Variants in NT5C2 observed in about 807,000 individuals in gnomAD.
The protein encoded by NT5C2 is 5'-nucleotidase, cytosolic II.
In NT5C2, 58 loss-of-function variants were observed where a neutral mutation model predicts 76.1. That is an observed-to-expected ratio of 0.76 (90% confidence interval 0.62 to 0.95). The LOEUF (loss-of-function observed/expected upper bound fraction) is 0.95. NT5C2 is among the 40% of genes least tolerant of loss of function. The pLI, the probability that NT5C2 is intolerant of heterozygous loss-of-function variation, is 0.00. For synonymous variants in NT5C2, 229 were observed against 237.4 expected (o/e 0.96, Z 0.32); for missense variants, 478 against 690.3 (o/e 0.69, Z 3.45).
chr10:103,167,019 TC>T (rs2086571512), intron 3 of NT5C2, among the ~76,000 whole-genome samples: 1 of 151,534 alleles, frequency 6.6e-6, no homozygotes, highest in African/African-American at 2.4e-5. Context: ...ATATTATTTT[TC>T]TTTTTTTTTT....
chr10:103,090,015 A>G (rs774260596), intron 18 of NT5C2, 107 bp from the exon 19 acceptor site: 30 of 791,834 alleles, frequency 3.8e-5, no homozygotes, highest in Non-Finnish European at 5.5e-5. Flanking sequence ...TACATCTATA[A>G]TGGACCACAG....
At chr10:103,121,219 C>G (rs1042817500) in intron 4 of NT5C2, among the ~76,000 whole-genome samples, 2 of 152,034 alleles carry the variant, frequency 1.3e-5, no homozygotes, top group African/African-American at 4.8e-5. Context: ...CATTGTGCAA[C>G]TTTGTGAATG....
intron 3 of NT5C2, chr10:103,146,452 C>T (rs923233073): frequency 1.0e-6 from 1 of 985,108 alleles, no homozygotes; most frequent in African/African-American, 1.7e-5. Context: ...CATAATTACA[C>T]ATTGAAAATT....
chr10:103,089,952 A>T, intron 18 of NT5C2, 44 bp from the exon 19 acceptor site: 1 of 1,512,216 alleles, frequency 6.6e-7, no homozygotes, highest in Non-Finnish European at 8.9e-7. Context: ...GGCAGAGCAA[A>T]GTAGCTACTC....
At chr10:103,127,405 A>G (rs1333893311) in intron 4 of NT5C2, among the ~76,000 whole-genome samples, 1 of 152,232 alleles carries the variant, frequency 6.6e-6, no homozygotes, top group Non-Finnish European at 1.5e-5. Context: ...GGCTTCAATT[A>G]TGGGGATAAT....
intron 6 of NT5C2, among the ~76,000 whole-genome samples, chr10:103,101,800 G>C (rs999364841): frequency 2.0e-5 from 3 of 152,202 alleles, no homozygotes; most frequent in African/African-American, 7.2e-5. Context: ...AAGAGGTAGA[G>C]AGAAGCAAAT....
intron 7 of NT5C2, 44 bp from the exon 8 acceptor site, chr10:103,101,146 T>C: frequency 6.8e-7 from 1 of 1,474,534 alleles, no homozygotes; most frequent in Non-Finnish European, 9.5e-7. Context: ...AATGAAATAA[T>C]TCAAACTTAT....
intron 10 of NT5C2, chr10:103,098,077 G>T: frequency 1.9e-6 from 1 of 529,432 alleles, no homozygotes. Context: ...ACTGTATTCT[G>T]CTACTTTTAC....
intron 6 of NT5C2, chr10:103,105,328 A>C (rs2070945451): frequency 9.5e-6 from 7 of 740,244 alleles, no homozygotes; most frequent in African/African-American, 3.8e-5. Context: ...TATAGTTTAA[A>C]ATTTTTTCAA....
rs557854846 is a variant in NT5C2, at chr10:103,110,193, C to T, written c.176-3487G>A. 7.2e-5 allele frequency among the ~76,000 whole-genome samples: 11 copies of T among 152,250 alleles called. No homozygotes were observed. The South Asian group carries it at 2.3e-3, about 32-fold the overall frequency. On this transcript the variant is annotated intron_variant, in intron 4 of 18. Coordinates refer to ENST00000404739, the MANE Select transcript of NT5C2 (RefSeq NM_001351169.2). ...CTCACACCTGTAATCCCAGCACTTA[C>T]ACCTGTAATCCCAGCACTTTGGGAG...
intron 3 of NT5C2, among the ~76,000 whole-genome samples, chr10:103,170,365 A>C (rs1052173457): frequency 2.6e-5 from 4 of 152,098 alleles, no homozygotes; most frequent in African/African-American, 4.8e-5. Flanking sequence ...CAAGCCTTTG[A>C]AAATGTTTTT....
chr10:103,149,103 G>A (rs1169917909), intron 3 of NT5C2, among the ~76,000 whole-genome samples: 1 of 152,154 alleles, frequency 6.6e-6, no homozygotes, highest in East Asian at 1.9e-4. Context: ...CAGTCATGTA[G>A]GTTGTGCTCT....
intron 3 of NT5C2, among the ~76,000 whole-genome samples, chr10:103,147,102 T>C (rs949140619): frequency 2.0e-5 from 3 of 152,196 alleles, no homozygotes; most frequent in African/African-American, 7.2e-5. Flanking sequence ...TTGAAACAGA[T>C]TGGAAAAAAG....
At chr10:103,163,821 A>G (rs2085580140) in intron 3 of NT5C2, among the ~76,000 whole-genome samples, 1 of 148,178 alleles carries the variant, frequency 6.7e-6, no homozygotes, top group Non-Finnish European at 1.5e-5. Context: ...GTTCAAGACC[A>G]GCCTGGCCAA....
rs1227304028 is a variant in NT5C2 at position 103,183,372 on chromosome 10, T to C, written c.-168-2044A>G. On this transcript the variant is annotated intron_variant, in intron 1 of 18. Transcript: ENST00000404739. ...TTTTTAACAATCTATCCCTCCTTCT[T>C]GGAATTACTAGTTTTAAACTGTTCT... Among the ~76,000 whole-genome samples the C allele has an allele frequency of 4.2e-5, 6 of 142,942 alleles. No individual in the cohort carries two copies. In the Admixed American group the frequency reaches 4.2e-4, roughly 10 times the overall value. 93.8% of individuals were successfully genotyped at this position (142,942 alleles called of 152,430 possible).
Position 103,093,261 on chromosome 10 carries a change from ATGTCTTTTCCC to A in NT5C2, c.1026_1036del (p.Lys342AsnfsTer29). On this transcript the variant is annotated frameshift_variant, in exon 15 of 19. Transcript: ENST00000404739. LOFTEE classifies it high-confidence loss of function. ...AAAAATGTGATCTCCAATATACAAA[ATGTCTTTTCCC>A]TTGGCTCCCAACAGGTCACAGATCG... 6.2e-7 allele frequency: 1 copy of A among 1,609,940 alleles called. No homozygotes were observed. The highest frequency in any genetic ancestry group is 8.5e-7 in the Non-Finnish European group (1 of 1,178,158).
intron 3 of NT5C2, among the ~76,000 whole-genome samples, chr10:103,143,322 T>C (rs1678239399): frequency 1.3e-5 from 2 of 152,128 alleles, no homozygotes; most frequent in African/African-American, 4.8e-5. Context: ...GAAGAGTAAC[T>C]GCATCAAGGG....
intron 3 of NT5C2, among the ~76,000 whole-genome samples, chr10:103,141,484 T>C (rs566550300): frequency 7.2e-5 from 11 of 152,150 alleles, no homozygotes; most frequent in African/African-American, 2.6e-4. Context: ...AAATTAAAAA[T>C]TGAAAAATAT....
rs1004027097 is a variant in NT5C2, at chr10:103,105,471, T to G, written c.389+235A>C. ...TCTGGGCAAGTTTTAAGATTAGTTT[T>G]GTTGTATGCTGTATAATTGGAAGGC... On this transcript the variant is annotated intron_variant, in intron 6 of 18. Coordinates refer to ENST00000404739, the MANE Select transcript of NT5C2 (RefSeq NM_001351169.2). 6 of 556,260 alleles carry G rather than the reference T, an allele frequency of 1.1e-5. No homozygotes were observed. In the Admixed American group the frequency reaches 2.2e-4, roughly 20 times the overall value. 34.5% of individuals were successfully genotyped at this position (556,260 alleles called of 1,614,324 possible).
Sources: allele counts gnomAD v4.1 joint callset (sites outside exome capture counted in the v4.1 genomes callset), GRCh38; gene constraint gnomAD v4.1.1; transcripts MANE v1.5; gene names NCBI Gene and HGNC (gene_info 2026-07-23, HGNC 2026-07-21).